The following MGAT4C variants were observed in gnomAD, a reference collection of about 807,000 sequenced individuals.
MGAT4C encodes the protein alpha-1,3-mannosyl-glycoprotein 4-beta-N-acetylglucosaminyltransferase C.
Under a neutral mutation model 40.1 loss-of-function variants are expected in MGAT4C, and 19 were observed. The ratio of observed to expected loss-of-function variants is 0.47; its 90% CI spans 0.33 to 0.70. The LOEUF (loss-of-function observed/expected upper bound fraction) is 0.70. Ranked by LOEUF, MGAT4C falls within the 30% of genes least tolerant of loss-of-function variation. The pLI is 0.02. For missense variants in MGAT4C, 491 were observed against 563.2 expected, an observed-to-expected ratio of 0.87 and a Z score of 1.30; for synonymous variants, 181 against 187.1, an observed-to-expected ratio of 0.97 and a Z score of 0.27.
intron 2 of MGAT4C, among the ~76,000 whole-genome samples, chr12:86,669,890 T>A (rs1216327292): frequency 2.6e-5 from 4 of 152,168 alleles, no homozygotes; most frequent in Admixed American, 6.5e-5. Flanking sequence ...TGAACTACAC[T>A]GCCTAACACA....
chr12:86,756,564 T>A (rs1326600676), intron 1 of MGAT4C, among the ~76,000 whole-genome samples: 1 of 152,190 alleles, frequency 6.6e-6, no homozygotes, highest in African/African-American at 2.4e-5. Context: ...ACGGCCACTC[T>A]ATCAAGTATA....
chr12:86,487,951 G>T (rs371316306), intron 2 of MGAT4C, among the ~76,000 whole-genome samples: 1 of 152,138 alleles, frequency 6.6e-6, no homozygotes, highest in African/African-American at 2.4e-5. Flanking sequence ...TTATTTGTAA[G>T]CTAATGAAAT....
chr12:86,183,046 C>T (rs972101280), intron 1 of MGAT4C, among the ~76,000 whole-genome samples: 6 of 152,256 alleles, frequency 3.9e-5, no homozygotes, highest in African/African-American at 1.4e-4. Context: ...TACTCTTAAG[C>T]ACTGTTACCA....
intron 1 of MGAT4C, among the ~76,000 whole-genome samples, chr12:86,230,630 A>G (rs903892172): frequency 6.6e-6 from 1 of 151,968 alleles, no homozygotes; most frequent in African/African-American, 2.4e-5. Context: ...ATGCCAACAT[A>G]TCGTTTGCCA....
chr12:86,398,380 T>G (rs1956296645), intron 3 of MGAT4C, among the ~76,000 whole-genome samples: 1 of 152,154 alleles, frequency 6.6e-6, no homozygotes, highest in Non-Finnish European at 1.5e-5. Context: ...ATGCTTAATT[T>G]AATCACAAAA....
intron 2 of MGAT4C, among the ~76,000 whole-genome samples, chr12:86,652,668 T>C (rs2077144482): frequency 1.3e-5 from 2 of 151,832 alleles, no homozygotes; most frequent in African/African-American, 4.8e-5. Context: ...AATGGTCAAA[T>C]GAAAATTGTG....
At chr12:86,095,914 T>G (rs1454658148) in intron 1 of MGAT4C, among the ~76,000 whole-genome samples, 2 of 151,914 alleles carry the variant, frequency 1.3e-5, no homozygotes, top group Non-Finnish European at 2.9e-5. Context: ...TTATCAACAC[T>G]GCTTACATTG....
chr12:86,063,068 A>G (rs1468267314), intron 1 of MGAT4C, among the ~76,000 whole-genome samples: 1 of 152,166 alleles, frequency 6.6e-6, no homozygotes, highest in Non-Finnish European at 1.5e-5. Context: ...CAAGACACAT[A>G]ATTGTCAAAT....
At chr12:86,651,682 A>G (rs1963702691) in intron 2 of MGAT4C, among the ~76,000 whole-genome samples, 1 of 151,884 alleles carries the variant, frequency 6.6e-6, no homozygotes, top group Non-Finnish European at 1.5e-5. Context: ...CGTAGCTTCC[A>G]ACAATTGTAT....
intron 1 of MGAT4C, among the ~76,000 whole-genome samples, chr12:86,254,292 T>C (rs1952427073): frequency 6.6e-6 from 1 of 151,948 alleles, no homozygotes; most frequent in African/African-American, 2.4e-5. Context: ...TGTACTTGCG[T>C]TGTATAAAGT....
chr12:85,990,914 A>G (rs1885841007), intron 2 of MGAT4C, among the ~76,000 whole-genome samples: 1 of 152,200 alleles, frequency 6.6e-6, no homozygotes, highest in Non-Finnish European at 1.5e-5. Flanking sequence ...GGTAAAAATA[A>G]TGCTTTGGAG....
chr12:86,005,742 G>A (rs1356249259), intron 2 of MGAT4C, among the ~76,000 whole-genome samples: 1 of 152,122 alleles, frequency 6.6e-6, no homozygotes, highest in Non-Finnish European at 1.5e-5. Context: ...CTTATGAAAA[G>A]TTCCAGCAAA....
intron 2 of MGAT4C, among the ~76,000 whole-genome samples, chr12:86,726,192 C>G (rs146365734): frequency 3.3e-5 from 5 of 152,286 alleles, no homozygotes; most frequent in African/African-American, 1.2e-4. Flanking sequence ...ATAAATATAG[C>G]TATGTCTTCC....
At chr12:86,640,774 A>G (rs1963356688) in intron 2 of MGAT4C, among the ~76,000 whole-genome samples, 1 of 151,548 alleles carries the variant, frequency 6.6e-6, no homozygotes, top group Non-Finnish European at 1.5e-5. Context: ...ACTGCTTTGA[A>G]TGTGTCCCAG....
At chr12:86,528,144 A>G (rs1958916524) in intron 2 of MGAT4C, among the ~76,000 whole-genome samples, 1 of 152,142 alleles carries the variant, frequency 6.6e-6, no homozygotes, top group Non-Finnish European at 1.5e-5. Flanking sequence ...ACTTTCTAGG[A>G]GAATAATGCT....
intron 3 of MGAT4C, among the ~76,000 whole-genome samples, chr12:86,405,381 A>T (rs748662333): frequency 1.3e-5 from 2 of 151,930 alleles, no homozygotes; most frequent in African/African-American, 2.4e-5. Flanking sequence ...ATAAAATACC[A>T]CTTAGAAACA....
chr12:86,007,954 C>T (rs554028987), intron 2 of MGAT4C, among the ~76,000 whole-genome samples: 1 of 151,924 alleles, frequency 6.6e-6, no homozygotes, highest in East Asian at 1.9e-4. Flanking sequence ...TATTGGGTGC[C>T]TTTGTTGAAA....
At chr12:86,130,069 C>T (rs1880949348) in intron 1 of MGAT4C, among the ~76,000 whole-genome samples, 1 of 152,066 alleles carries the variant, frequency 6.6e-6, no homozygotes, top group Non-Finnish European at 1.5e-5. Flanking sequence ...TCTATGATTG[C>T]CTATACTGAT....
intron 1 of MGAT4C, among the ~76,000 whole-genome samples, chr12:86,121,527 A>G (rs1488158463): frequency 1.3e-5 from 2 of 152,226 alleles, no homozygotes; most frequent in Non-Finnish European, 1.5e-5. Flanking sequence ...AACGAAACCC[A>G]TCAGACTAAC....
Sources: allele counts gnomAD v4.1 joint callset (sites outside exome capture counted in the v4.1 genomes callset), GRCh38; gene constraint gnomAD v4.1.1; transcripts MANE v1.5; gene names NCBI Gene and HGNC (gene_info 2026-07-23, HGNC 2026-07-21).